Variants in RYR2 observed in about 807,000 individuals in gnomAD.
RYR2 encodes the protein ryanodine receptor 2.
In RYR2, 227 loss-of-function variants were observed where a neutral mutation model predicts 601.1. The ratio of observed to expected loss-of-function variants is 0.38; its 90% confidence interval spans 0.34 to 0.42. The LOEUF (loss-of-function observed/expected upper bound fraction) is 0.42, where lower values mean the gene tolerates loss of function less well. Among genes scored for constraint, RYR2 ranks in the 10% least tolerant of loss-of-function variants. RYR2 has a pLI of 1.00. For synonymous variants in RYR2, 2,223 were observed against 2,175.1 expected (o/e 1.02, Z -0.61); for missense variants, 4,646 against 6,156.5 (o/e 0.75, Z 8.21).
intron 17 of RYR2, among the ~76,000 whole-genome samples, chr1:237,482,331 C>CCCT (rs1336506242): frequency 6.6e-6 from 1 of 152,044 alleles, no homozygotes; most frequent in Non-Finnish European, 1.5e-5. Flanking sequence ...CATCAACCAT[C>CCCT]CCTACATTCC....
chr1:237,165,449 C>A (rs1676595375), intron 1 of RYR2, among the ~76,000 whole-genome samples: 1 of 152,290 alleles, frequency 6.6e-6, no homozygotes, highest in Non-Finnish European at 1.5e-5. Flanking sequence ...TTGTGAATTA[C>A]AAATTTTTGA....
intron 1 of RYR2, among the ~76,000 whole-genome samples, chr1:237,049,990 G>A (rs1339030203): frequency 6.6e-6 from 1 of 152,180 alleles, no homozygotes; most frequent in Non-Finnish European, 1.5e-5. Flanking sequence ...CATGTGGAAG[G>A]TATATTTCCT....
At chr1:237,590,111 C>A in intron 30 of RYR2, 110 bp downstream of exon 30, 1 of 990,524 alleles carries the variant, frequency 1.0e-6, no homozygotes, top group Non-Finnish European at 1.5e-6. Flanking sequence ...AAAATGATGA[C>A]CTTGATGTGT....
chr1:237,369,489 T>C, intron 5 of RYR2, 45 bp from the exon 6 acceptor site: 1 of 1,478,936 alleles, frequency 6.8e-7, no homozygotes, highest in South Asian at 1.2e-5. Flanking sequence ...AGTTACTCTT[T>C]TGTGTTTTTC....
chr1:237,258,547 C>G (rs1286176324), intron 1 of RYR2, among the ~76,000 whole-genome samples: 1 of 152,144 alleles, frequency 6.6e-6, no homozygotes, highest in Non-Finnish European at 1.5e-5. Context: ...TTATTGGTGG[C>G]TATTCATGAA....
Position 237,826,304 on chromosome 1 carries a change from C to T in RYR2, c.14591-2077C>T, listed in dbSNP as rs190688155. On this transcript the variant is annotated intron_variant, in intron 101 of 104. Transcript: ENST00000366574. Reference sequence around the variant, plus strand: ...TGATAGACTAGATTTTAAAAAGTGCCACGTATGTACCATGGAATACTATGC... The same window carrying T: ...TGATAGACTAGATTTTAAAAAGTGCTACGTATGTACCATGGAATACTATGC... 1.3e-3 allele frequency among the ~76,000 whole-genome samples: 204 copies of T among 152,166 alleles called. 1 individual carries two copies. The highest frequency in any genetic ancestry group is 9.8e-3 in the Admixed American group (150 of 15,274).
rs1279720382 is a variant in RYR2 at position 237,369,547 on chromosome 1, G to T, written c.323G>T (p.Gly108Val). The change falls in exon 6 of 105, where the codon GGT becomes GTT. Residue 108 changes from glycine to valine, a missense_variant. Gly to Val is a moderately radical substitution (Grantham distance 109, BLOSUM62 -3). Coordinates refer to ENST00000366574, the MANE Select transcript of RYR2 (RefSeq NM_001035.3). ...TTCTCTCTAAAGACTGCTCAAGGTG[G>T]TGGTCATCGAACACTCCTCTACGGA... The part of the protein sequence containing the change: ...WKFMMKTAQG[G>V]GHRTLLYGHA... 1 of 1,563,240 alleles carries T rather than the reference G, an allele frequency of 6.4e-7. No individual in the cohort carries two copies. The highest frequency in any genetic ancestry group is 1.2e-5 in the South Asian group (1 of 84,804).
chr1:237,187,377 G>T (rs1284193512), intron 1 of RYR2, among the ~76,000 whole-genome samples: 2 of 149,666 alleles, frequency 1.3e-5, no homozygotes, highest in African/African-American at 4.9e-5. Context: ...TCCTGACCTT[G>T]TGATCTGCCT....
intron 1 of RYR2, among the ~76,000 whole-genome samples, chr1:237,067,473 A>G (rs2148295261): frequency 6.6e-6 from 1 of 152,282 alleles, no homozygotes; most frequent in Middle Eastern, 3.4e-3. Context: ...TGTGTTCTGT[A>G]TTCCGCTTCA....
intron 88 of RYR2, 86 bp from the exon 89 acceptor site, chr1:237,781,479 G>C: frequency 1.4e-6 from 1 of 692,002 alleles, no homozygotes; most frequent in Non-Finnish European, 2.6e-6. Context: ...TATTGCCAGA[G>C]CAGCATCCTT....
intron 1 of RYR2, among the ~76,000 whole-genome samples, chr1:237,212,809 C>G (rs537776139): frequency 6.6e-6 from 1 of 152,232 alleles, no homozygotes; most frequent in East Asian, 1.9e-4. Context: ...AAGTCTTGCT[C>G]TGTCACCCAG....
At chr1:237,697,363 TTTATATAA>T (rs1687557824) in intron 63 of RYR2, among the ~76,000 whole-genome samples, 1 of 142,444 alleles carries the variant, frequency 7.0e-6, no homozygotes, top group Non-Finnish European at 1.5e-5. Flanking sequence ...ATAATATATA[TTTATATAA>T]TATATAATTG....
intron 1 of RYR2, among the ~76,000 whole-genome samples, chr1:237,185,394 A>G (rs897795491): frequency 2.0e-5 from 3 of 152,138 alleles, no homozygotes; most frequent in African/African-American, 2.4e-5. Context: ...ATATTTTTCA[A>G]TATTGGCTTT....
intron 10 of RYR2, among the ~76,000 whole-genome samples, chr1:237,391,685 G>T (rs1368909766): frequency 1.3e-5 from 2 of 152,022 alleles, no homozygotes; most frequent in Admixed American, 1.3e-4. Context: ...TCAATAATGG[G>T]TTTTATGATT....
chr1:237,139,166 G>A (rs934275781), intron 1 of RYR2, among the ~76,000 whole-genome samples: 6 of 152,178 alleles, frequency 3.9e-5, no homozygotes, highest in African/African-American at 1.4e-4. Flanking sequence ...ATGATATGCT[G>A]TATCCATACA....
intron 32 of RYR2, among the ~76,000 whole-genome samples, chr1:237,592,724 A>G (rs1253105793): frequency 6.6e-6 from 1 of 151,704 alleles, no homozygotes; most frequent in East Asian, 2.0e-4. Context: ...TGACGAGTAT[A>G]AAAACCCAAA....
chr1:237,334,591 T>C (rs1325795311), intron 3 of RYR2, among the ~76,000 whole-genome samples: 1 of 152,156 alleles, frequency 6.6e-6, no homozygotes, highest in Non-Finnish European at 1.5e-5. Flanking sequence ...CCACAGAAGC[T>C]TTCAGATCTT....
chr1:237,214,120 C>T (rs2149107396), intron 1 of RYR2, among the ~76,000 whole-genome samples: 1 of 151,868 alleles, frequency 6.6e-6, no homozygotes, highest in East Asian at 1.9e-4. Flanking sequence ...GGGGTTTCAC[C>T]ATGTTGGCCA....
At chr1:237,263,913 T>A (rs1398777671) in intron 1 of RYR2, among the ~76,000 whole-genome samples, 2 of 151,900 alleles carry the variant, frequency 1.3e-5, no homozygotes, top group Non-Finnish European at 2.9e-5. Flanking sequence ...TAATATAGTG[T>A]CAGGTAGTGA....
Sources: allele counts gnomAD v4.1 joint callset (sites outside exome capture counted in the v4.1 genomes callset), GRCh38; gene constraint gnomAD v4.1.1; transcripts MANE v1.5; gene names NCBI Gene and HGNC (gene_info 2026-07-23, HGNC 2026-07-21).